STIM1: variants seen among roughly 807,000 people sequenced by gnomAD.
STIM1 encodes stromal interaction molecule 1.
STIM1 carries 25 observed loss-of-function variants against 74.7 expected under a neutral mutation model. The observed-to-expected ratio is 0.33, with a 90% CI of 0.24 to 0.47. STIM1 has a LOEUF of 0.47. Among genes scored for constraint, STIM1 ranks in the 20% least tolerant of loss-of-function variants. STIM1 has a pLI of 1.00. For missense variants in STIM1, 728 were observed against 920.8 expected, an observed-to-expected ratio of 0.79 and a Z score of 2.71; for synonymous variants, 328 against 348.8, an observed-to-expected ratio of 0.94 and a Z score of 0.66.
At chr11:3,911,853 A>G (rs930896376) in intron 1 of STIM1, among the ~76,000 whole-genome samples, 1 of 152,132 alleles carries the variant, frequency 6.6e-6, no homozygotes, top group South Asian at 2.1e-4. Flanking sequence ...GTTGCTTTGT[A>G]TGTGATTGCC....
At chr11:3,902,082 A>G (rs1384171185) in intron 1 of STIM1, among the ~76,000 whole-genome samples, 1 of 152,130 alleles carries the variant, frequency 6.6e-6, no homozygotes, top group Non-Finnish European at 1.5e-5. Flanking sequence ...ACATTTCTTA[A>G]ACATTTATTG....
chr11:4,046,169 A>G (rs903607324), intron 3 of STIM1, among the ~76,000 whole-genome samples: 59 of 138,852 alleles, frequency 4.2e-4, no homozygotes, highest in African/African-American at 1.6e-3. Context: ...GGTTCCAGTG[A>G]TTCTCATGCC....
chr11:4,059,254 C>A, intron 4 of STIM1, 27 bp from the exon 5 acceptor site: 1 of 1,594,712 alleles, frequency 6.3e-7, no homozygotes, highest in African/African-American at 1.3e-5. Context: ...TGGGAGGGAA[C>A]TGATCTGCTA....
intron 1 of STIM1, among the ~76,000 whole-genome samples, chr11:3,936,056 C>T (rs1008797507): frequency 6.6e-6 from 1 of 152,128 alleles, no homozygotes; most frequent in African/African-American, 2.4e-5. Context: ...GTGCTCAGTT[C>T]GAGTTCTGAC....
intron 4 of STIM1, 36 bp downstream of exon 4, chr11:4,055,673 A>T (rs1331117238): frequency 1.3e-6 from 2 of 1,511,212 alleles, no homozygotes; most frequent in Admixed American, 3.9e-5. Context: ...TGTTGAGGGT[A>T]CGGGGAATGG....
chr11:4,042,882 C>T (rs1462964443), intron 3 of STIM1, among the ~76,000 whole-genome samples: 1 of 152,204 alleles, frequency 6.6e-6, no homozygotes, highest in Non-Finnish European at 1.5e-5. Context: ...AACACATTAA[C>T]TCATTTAATT....
At chr11:3,923,911 A>G (rs1944208624) in intron 1 of STIM1, among the ~76,000 whole-genome samples, 1 of 152,142 alleles carries the variant, frequency 6.6e-6, no homozygotes, top group Non-Finnish European at 1.5e-5. Context: ...TTGGCTTTGC[A>G]TTAAATCTAT....
rs1306808773 is a variant in STIM1, at chr11:3,895,785, TTCCTTCCTTCCTTCCTTC to T, written c.139+39377_139+39394del. Among the ~76,000 whole-genome samples, 43 of 95,486 alleles carry T rather than the reference TTCCTTCCTTCCTTCCTTC, an allele frequency of 4.5e-4. 3 individuals are homozygous for T. The highest frequency in any genetic ancestry group is 2.4e-3 in the African/African-American group (39 of 15,950). The allele number at this position is 95,486 out of a possible 152,430, so 62.6% of individuals were successfully genotyped here. A position where few individuals can be genotyped will look rare whatever the true frequency, so the allele number is the denominator to read the frequency against. On this transcript the variant is annotated intron_variant, in intron 1 of 12. Transcript: ENST00000526596. Reference sequence around the variant, plus strand: ...CTTCCTTCCTTCCTTCCTTCCTTCCTTCCTTCCTTCCTTCCTTCCTTTCTTTCCTTCCTTCTTTCTTTT... The same window carrying T: ...CTTCCTTCCTTCCTTCCTTCCTTCCTCTTTCTTTCCTTCCTTCTTTCTTTT...
intron 1 of STIM1, among the ~76,000 whole-genome samples, chr11:3,960,091 A>T (rs149766040): frequency 5.0e-4 from 76 of 152,316 alleles, no homozygotes; most frequent in Admixed American, 1.4e-3. Flanking sequence ...TTTCTGCTGC[A>T]TGTAGAAGTT....
intron 1 of STIM1, among the ~76,000 whole-genome samples, chr11:3,928,767 C>T (rs2092821326): frequency 6.6e-6 from 1 of 152,184 alleles, no homozygotes; most frequent in South Asian, 2.1e-4. Flanking sequence ...AAAGACCATA[C>T]ACCCACAGAA....
At chr11:4,049,014 G>A (rs1013100663) in intron 3 of STIM1, among the ~76,000 whole-genome samples, 3 of 152,192 alleles carry the variant, frequency 2.0e-5, no homozygotes, top group African/African-American at 4.8e-5. Flanking sequence ...GATTACAGGC[G>A]TAAGCCACTG....
intron 2 of STIM1, among the ~76,000 whole-genome samples, chr11:3,977,115 G>A (rs1460407806): frequency 1.3e-5 from 2 of 152,114 alleles, no homozygotes; most frequent in Non-Finnish European, 2.9e-5. Context: ...GTATTTTAAT[G>A]TTTGTCTGAT....
intron 1 of STIM1, among the ~76,000 whole-genome samples, chr11:3,941,768 T>A (rs2093013931): frequency 6.6e-6 from 1 of 151,490 alleles, no homozygotes; most frequent in South Asian, 2.1e-4. Flanking sequence ...CTCACTGCAG[T>A]CTTGACCTCC....
intron 1 of STIM1, chr11:3,867,496 T>C (rs1377115209): frequency 6.6e-6 from 1 of 152,282 alleles, no homozygotes; most frequent in African/African-American, 2.4e-5. Flanking sequence ...ACTACTTTGC[T>C]GAGACTAGCT....
chr11:3,951,924 G>A (rs1312606035), intron 1 of STIM1, among the ~76,000 whole-genome samples: 5 of 151,994 alleles, frequency 3.3e-5, no homozygotes, highest in Admixed American at 2.6e-4. Context: ...AATTCTTCTG[G>A]GGCCGTCTTT....
chr11:4,049,361 G>C (rs1447886465), intron 3 of STIM1, among the ~76,000 whole-genome samples: 1 of 135,970 alleles, frequency 7.4e-6, no homozygotes, highest in Non-Finnish European at 1.5e-5. Context: ...CTCTCACTCT[G>C]TTGCCCAAGC....
chr11:4,021,897 C>A (rs1265332449), intron 2 of STIM1, among the ~76,000 whole-genome samples: 2 of 152,044 alleles, frequency 1.3e-5, no homozygotes, highest in East Asian at 1.9e-4. Context: ...AGATCTTTTA[C>A]CTCCTTGGTT....
intron 1 of STIM1, among the ~76,000 whole-genome samples, chr11:3,946,152 G>A (rs2093070523): frequency 6.6e-6 from 1 of 152,164 alleles, no homozygotes; most frequent in African/African-American, 2.4e-5. Context: ...CGCTGGATAG[G>A]AATTTCTTGA....
intron 3 of STIM1, among the ~76,000 whole-genome samples, chr11:4,041,721 C>T (rs191256604): frequency 3.5e-4 from 54 of 152,150 alleles, no homozygotes; most frequent in African/African-American, 1.1e-3. Context: ...TCCCAAGTAG[C>T]TGGGACTACA....
Sources: gnomAD v4.1 joint callset for allele counts (sites outside exome capture counted in the v4.1 genomes callset) on GRCh38, gnomAD v4.1.1 for gene constraint, MANE v1.5 for transcripts, NCBI Gene and HGNC (gene_info 2026-07-23, HGNC 2026-07-21) for gene names.